N4BP2L2: variants seen among roughly 807,000 people sequenced by gnomAD.
N4BP2L2 encodes the protein NEDD4 binding protein 2 like 2, also known as NEDD4-binding protein 2-like 2.
A neutral mutation model predicts 56.2 loss-of-function variants in N4BP2L2; 50 were observed. That is an observed-to-expected ratio of 0.89 (90% CI 0.71 to 1.13). N4BP2L2 has a LOEUF of 1.13. Among genes scored for constraint, N4BP2L2 ranks in the 50% most tolerant of loss-of-function variants. N4BP2L2 has a pLI of 0.00. For synonymous variants in N4BP2L2, 203 were observed against 223.6 expected, an observed-to-expected ratio of 0.91 and a Z score of 0.82; for missense variants, 689 against 693.8, an observed-to-expected ratio of 0.99 and a Z score of 0.08.
intron 8 of N4BP2L2, chr13:32,436,522 G>A (rs2075489518): frequency 2.3e-6 from 1 of 429,556 alleles, no homozygotes; most frequent in South Asian, 3.2e-5. Flanking sequence ...TATAACAGTG[G>A]CTCACGCCTG....
intron 6 of N4BP2L2, among the ~76,000 whole-genome samples, chr13:32,481,805 A>G (rs1168940546): frequency 6.6e-6 from 1 of 152,170 alleles, no homozygotes; most frequent in African/African-American, 2.4e-5. Flanking sequence ...TACCTGACTC[A>G]GTCTAGTCCA....
intron 6 of N4BP2L2, among the ~76,000 whole-genome samples, chr13:32,471,502 G>A (rs798274): frequency 0.56 from 84,900 of 152,182 alleles, 24,594 homozygotes; most frequent in Middle Eastern, 0.69. Context: ...GGGCTTGTGC[G>A]GGCGCACCCG....
intron 6 of N4BP2L2, among the ~76,000 whole-genome samples, chr13:32,457,239 T>C (rs2079128861): frequency 6.6e-6 from 1 of 152,152 alleles, no homozygotes; most frequent in Admixed American, 6.5e-5. Context: ...ATATGGGACA[T>C]CATGAAATTA....
exon 2 of N4BP2L2, chr13:32,536,456 T>C: frequency 6.2e-7 from 1 of 1,612,994 alleles, no homozygotes; most frequent in South Asian, 1.1e-5. Flanking sequence ...TTTACAACTG[T>C]TCTCAAAACC....
chr13:32,438,486 C>A (rs985467253), intron 8 of N4BP2L2, among the ~76,000 whole-genome samples: 1 of 152,138 alleles, frequency 6.6e-6, no homozygotes, highest in Non-Finnish European at 1.5e-5. Context: ...GTAATCCCAG[C>A]TACTAGGGAG....
intron 2 of N4BP2L2, among the ~76,000 whole-genome samples, chr13:32,532,181 G>C (rs1245288971): frequency 6.6e-6 from 1 of 152,198 alleles, no homozygotes; most frequent in African/African-American, 2.4e-5. Context: ...TAAAACATGA[G>C]TATCTTTGGA....
Position 32,496,684 on chromosome 13 carries a change from T to C in N4BP2L2, c.365+21173A>G, listed in dbSNP as rs530211323. ...CAGAACCAAAGGCTAATGGCCACAT[T>C]CTTTTTTTAAAGAAGGTAAGTGAGA... On this transcript the variant is annotated intron_variant, in intron 6 of 9. Transcript: ENST00000357505. Among the ~76,000 whole-genome samples, 16 of 152,274 alleles carry C rather than the reference T, an allele frequency of 1.1e-4. No individual in the cohort carries two copies. The South Asian group carries it at 1.5e-3, about 14-fold the overall frequency.
chr13:32,442,603 G>A, exon 7 of N4BP2L2: 1 of 1,613,870 alleles, frequency 6.2e-7, no homozygotes. Flanking sequence ...CGAAGTATCA[G>A]GATGACTATG....
At chr13:32,442,261 A>C in intron 7 of N4BP2L2, 1 of 836,000 alleles carries the variant, frequency 1.2e-6, no homozygotes. Context: ...ATCCTCACTC[A>C]CTGCTGAAAA....
intron 2 of N4BP2L2, among the ~76,000 whole-genome samples, chr13:32,530,791 C>A (rs1341717971): frequency 6.6e-6 from 1 of 151,768 alleles, no homozygotes; most frequent in African/African-American, 2.4e-5. Context: ...GTACTCACAA[C>A]CTTGCATCCT....
chr13:32,501,248 G>A (rs147411857), intron 6 of N4BP2L2, among the ~76,000 whole-genome samples: 1 of 152,030 alleles, frequency 6.6e-6, no homozygotes, highest in East Asian at 1.9e-4. Flanking sequence ...CATTTCACAG[G>A]AGCCCAGGAT....
At chr13:32,501,795 A>G (rs2139573831) in intron 6 of N4BP2L2, among the ~76,000 whole-genome samples, 1 of 152,078 alleles carries the variant, frequency 6.6e-6, no homozygotes, top group East Asian at 1.9e-4. Flanking sequence ...AGCTTGGGAG[A>G]CACAGCGAGA....
At chr13:32,446,292 C>A (rs2077036751) in intron 6 of N4BP2L2, 1 of 1,136,344 alleles carries the variant, frequency 8.8e-7, no homozygotes, top group Non-Finnish European at 1.2e-6. Context: ...GATGGGGCCT[C>A]TATAAAAAGG....
chr13:32,489,763 C>T (rs1773126794), intron 6 of N4BP2L2, among the ~76,000 whole-genome samples: 1 of 89,246 alleles, frequency 1.1e-5, no homozygotes, highest in South Asian at 3.0e-4. Flanking sequence ...AATTCCCCTC[C>T]TGAAAAAAAA....
intron 6 of N4BP2L2, among the ~76,000 whole-genome samples, chr13:32,472,888 G>A (rs894116041): frequency 2.0e-5 from 3 of 152,202 alleles, no homozygotes; most frequent in Admixed American, 6.5e-5. Flanking sequence ...TACCTACTAA[G>A]CACTTGAAAT....
chr13:32,461,589 C>T (rs1408541575), intron 6 of N4BP2L2, among the ~76,000 whole-genome samples: 1 of 152,114 alleles, frequency 6.6e-6, no homozygotes, highest in African/African-American at 2.4e-5. Flanking sequence ...TATCATTCTA[C>T]CCCAGTTAGA....
At chr13:32,467,558 G>A (rs1160853518) in intron 6 of N4BP2L2, among the ~76,000 whole-genome samples, 2 of 151,296 alleles carry the variant, frequency 1.3e-5, no homozygotes, top group Admixed American at 6.6e-5. Context: ...GATTACAGGC[G>A]TGAGCCATCG....
At chr13:32,525,946 A>T (rs2052599247) in intron 3 of N4BP2L2, among the ~76,000 whole-genome samples, 1 of 151,482 alleles carries the variant, frequency 6.6e-6, no homozygotes, top group African/African-American at 2.4e-5. Context: ...ACTTGACAGC[A>T]GACAGAGGGA....
rs776107219 is a variant in N4BP2L2 at position 32,442,690 on chromosome 13, A to G, written c.1802T>C (p.Leu601Pro). 2.1e-5 allele frequency: 34 copies of G among 1,613,850 alleles called. No individual in the cohort carries two copies. In the East Asian group the frequency reaches 7.1e-4, roughly 34 times the overall value. Reference sequence around the variant, plus strand: ...TGTCTGAGATTCGAAAGTCAAAAACAGTTTCTTGTTTGTAAAAGATGGCTT... The same window carrying G: ...TGTCTGAGATTCGAAAGTCAAAAACGGTTTCTTGTTTGTAAAAGATGGCTT... Residue 601 changes from leucine to proline, a missense_variant, in exon 7 of 10, where the codon CTG (leucine) becomes CCG (proline). Physicochemically the swap from Leu to Pro is moderately conservative, Grantham distance 98 (BLOSUM62 -3). Transcript: ENST00000357505.
Sources: gnomAD v4.1 joint callset for allele counts (sites outside exome capture counted in the v4.1 genomes callset) on GRCh38, gnomAD v4.1.1 for gene constraint, MANE v1.5 for transcripts, NCBI Gene and HGNC (gene_info 2026-07-23, HGNC 2026-07-21) for gene names.